GPC5: variants seen among roughly 807,000 people sequenced by gnomAD.
The protein encoded by GPC5 is glypican-5.
In GPC5, 47 loss-of-function variants were observed where a neutral mutation model predicts 53.9. The ratio of observed to expected loss-of-function variants is 0.87; its 90% CI spans 0.69 to 1.11. The LOEUF (loss-of-function observed/expected upper bound fraction) is 1.11, where lower values mean the gene tolerates loss of function less well. Among genes scored for constraint, GPC5 ranks in the 50% most tolerant of loss-of-function variants. GPC5 has a pLI of 0.00. For synonymous variants in GPC5, 286 were observed against 263.3 expected, an observed-to-expected ratio of 1.09 and a Z score of -0.84; for missense variants, 748 against 713.1, an observed-to-expected ratio of 1.05 and a Z score of -0.56.
At chr13:92,745,764 T>C (rs111730161) in intron 7 of GPC5, among the ~76,000 whole-genome samples, 1,661 of 152,228 alleles carry the variant, frequency 0.011, 41 homozygotes, top group African/African-American at 0.038. Flanking sequence ...TAATCATTTT[T>C]TTCAAAATTT....
chr13:92,171,381 A>G (rs2042069581), intron 7 of GPC5, among the ~76,000 whole-genome samples: 1 of 151,584 alleles, frequency 6.6e-6, no homozygotes, highest in Admixed American at 6.6e-5. Context: ...CTACACACAC[A>G]CACCCCTATA....
chr13:92,089,886 A>G (rs972833173), intron 6 of GPC5, among the ~76,000 whole-genome samples: 5 of 152,158 alleles, frequency 3.3e-5, no homozygotes, highest in Admixed American at 6.6e-5. Context: ...TTCTGTATCA[A>G]CTTAGTTTTT....
chr13:92,576,931 T>C (rs530257437), intron 7 of GPC5, among the ~76,000 whole-genome samples: 12 of 152,308 alleles, frequency 7.9e-5, no homozygotes, highest in Admixed American at 7.2e-4. Flanking sequence ...AACAACTGTA[T>C]CTTAATCTTC....
intron 2 of GPC5, among the ~76,000 whole-genome samples, chr13:91,684,912 C>T (rs1566607940): frequency 1.3e-5 from 2 of 152,160 alleles, no homozygotes; most frequent in Non-Finnish European, 2.9e-5. Flanking sequence ...ATTGACTTTC[C>T]TCTGTTTTTG....
At chr13:92,435,246 A>G (rs1203970118) in intron 7 of GPC5, among the ~76,000 whole-genome samples, 6 of 152,222 alleles carry the variant, frequency 3.9e-5, no homozygotes, top group Admixed American at 3.9e-4. Context: ...ATTAAATGAC[A>G]TATAGTATCC....
chr13:92,098,933 C>T (rs1033694001), intron 6 of GPC5, among the ~76,000 whole-genome samples: 2 of 149,944 alleles, frequency 1.3e-5, no homozygotes, highest in Non-Finnish European at 3.0e-5. Flanking sequence ...ATAGCAGAAA[C>T]ATGAAACTAA....
intron 2 of GPC5, among the ~76,000 whole-genome samples, chr13:91,566,755 G>A (rs1371204315): frequency 6.6e-6 from 1 of 151,972 alleles, no homozygotes; most frequent in African/African-American, 2.4e-5. Flanking sequence ...CTTCACTTTA[G>A]TAAAAGGAAA....
chr13:91,522,141 A>G (rs1423493663), intron 2 of GPC5, among the ~76,000 whole-genome samples: 1 of 152,166 alleles, frequency 6.6e-6, no homozygotes, highest in Non-Finnish European at 1.5e-5. Context: ...TTTTGAATTT[A>G]TGGAGGCTTC....
chr13:92,172,123 G>T (rs967457434), intron 7 of GPC5, among the ~76,000 whole-genome samples: 1 of 152,178 alleles, frequency 6.6e-6, no homozygotes, highest in Non-Finnish European at 1.5e-5. Flanking sequence ...ATTCCTAAAT[G>T]AATAAAAGAA....
intron 2 of GPC5, among the ~76,000 whole-genome samples, chr13:91,503,817 A>AATAATAATAATAATC (rs1555316221): frequency 6.8e-6 from 1 of 147,416 alleles, no homozygotes; most frequent in Non-Finnish European, 1.5e-5. Context: ...TAATAATAAT[A>AATAATAATAATAATC]ATCAGGCTGT....
At chr13:91,893,427 A>G (rs1446978976) in intron 5 of GPC5, among the ~76,000 whole-genome samples, 4 of 152,090 alleles carry the variant, frequency 2.6e-5, no homozygotes, top group Non-Finnish European at 4.4e-5. Flanking sequence ...ATCTGTCTAA[A>G]TCAATCTGAA....
intron 2 of GPC5, among the ~76,000 whole-genome samples, chr13:91,497,610 C>G (rs557294760): frequency 2.6e-5 from 4 of 152,244 alleles, no homozygotes; most frequent in African/African-American, 9.6e-5. Flanking sequence ...AAACCTGTAT[C>G]CTTTTCCATT....
intron 2 of GPC5, among the ~76,000 whole-genome samples, chr13:91,475,579 A>G (rs763591435): frequency 6.6e-6 from 1 of 152,158 alleles, no homozygotes; most frequent in Non-Finnish European, 1.5e-5. Context: ...GGCTTGGTTC[A>G]TCTTGGCTTG....
chr13:92,844,462 G>A (rs989293224), intron 7 of GPC5, among the ~76,000 whole-genome samples: 7 of 152,014 alleles, frequency 4.6e-5, no homozygotes, highest in South Asian at 2.1e-4. Context: ...AGACTTAACC[G>A]GAGTAGAAAC....
intron 6 of GPC5, among the ~76,000 whole-genome samples, chr13:92,001,343 G>A (rs1201179151): frequency 6.6e-6 from 1 of 152,196 alleles, no homozygotes; most frequent in East Asian, 1.9e-4. Flanking sequence ...TTTTGGCTTT[G>A]TGCTAAATAT....
intron 7 of GPC5, among the ~76,000 whole-genome samples, chr13:92,445,293 G>GT (rs547006896): frequency 0.16 from 20,794 of 130,418 alleles, 1,867 homozygotes; most frequent in East Asian, 0.48. Context: ...CTCTTTTTGT[G>GT]ATTTTTTTTG....
chr13:92,416,776 A>T (rs1389302252), intron 7 of GPC5, among the ~76,000 whole-genome samples: 1 of 152,238 alleles, frequency 6.6e-6, no homozygotes, highest in African/African-American at 2.4e-5. Context: ...TCAAGAGTGA[A>T]AAAACAACTC....
intron 2 of GPC5, among the ~76,000 whole-genome samples, chr13:91,648,195 T>C (rs1163134847): frequency 6.6e-6 from 1 of 152,204 alleles, no homozygotes; most frequent in Non-Finnish European, 1.5e-5. Flanking sequence ...GCCTTTTCAT[T>C]CATTTATCAA....
At chr13:92,008,861 T>C in intron 6 of GPC5, among the ~76,000 whole-genome samples, 1 of 152,208 alleles carries the variant, frequency 6.6e-6, no homozygotes, top group East Asian at 1.9e-4. Flanking sequence ...TTCATTTTTT[T>C]CCTTTTTTTC....
Sources: gnomAD v4.1 joint callset for allele counts (sites outside exome capture counted in the v4.1 genomes callset) on GRCh38, gnomAD v4.1.1 for gene constraint, MANE v1.5 for transcripts, NCBI Gene and HGNC (gene_info 2026-07-23, HGNC 2026-07-21) for gene names.